TEAD4: variants seen among roughly 807,000 people sequenced by gnomAD.
The protein encoded by TEAD4 is TEA domain transcription factor 4.
TEAD4 carries 36 observed loss-of-function variants against 52.4 expected under a neutral mutation model. The observed-to-expected ratio is 0.69, with a 90% CI of 0.53 to 0.91. TEAD4 has a LOEUF of 0.91. Among genes scored for constraint, TEAD4 ranks in the 40% least tolerant of loss-of-function variants. TEAD4 has a pLI of 0.00. For missense variants in TEAD4, 508 were observed against 583.9 expected (o/e 0.87, Z 1.34); for synonymous variants, 220 against 231.0 (o/e 0.95, Z 0.43).
intron 2 of TEAD4, among the ~76,000 whole-genome samples, chr12:2,979,908 G>T (rs1053870607): frequency 2.6e-5 from 4 of 152,300 alleles, no homozygotes; most frequent in Admixed American, 6.5e-5. Flanking sequence ...AAGGGCACAA[G>T]GACTGAAGTA....
chr12:2,996,780 A>C (rs2098247577), intron 3 of TEAD4, among the ~76,000 whole-genome samples: 1 of 152,056 alleles, frequency 6.6e-6, no homozygotes, highest in South Asian at 2.1e-4. Context: ...CAGTGGAGCA[A>C]TCTCGGCTCA....
At chr12:3,034,409 G>C (rs2153958477) in intron 10 of TEAD4, among the ~76,000 whole-genome samples, 1 of 152,282 alleles carries the variant, frequency 6.6e-6, no homozygotes, top group Non-Finnish European at 1.5e-5. Flanking sequence ...GGCCCTGGGA[G>C]AGCTTAGTTC....
intron 2 of TEAD4, among the ~76,000 whole-genome samples, chr12:2,975,921 G>C (rs2098229280): frequency 6.6e-6 from 1 of 152,036 alleles, no homozygotes; most frequent in Non-Finnish European, 1.5e-5. Context: ...TCATATGGTT[G>C]GAATCATACA....
At chr12:3,020,518 A>G in intron 8 of TEAD4, 116 bp from the exon 9 acceptor site, 1 of 1,268,026 alleles carries the variant, frequency 7.9e-7, no homozygotes, top group South Asian at 2.1e-5. Context: ...TTAGGGAGAC[A>G]GGCGGTCCCC....
intron 3 of TEAD4, among the ~76,000 whole-genome samples, chr12:3,009,005 T>A (rs1170918877): frequency 6.6e-6 from 1 of 152,228 alleles, no homozygotes; most frequent in African/African-American, 2.4e-5. Flanking sequence ...GCCTAGAGCA[T>A]GTTCATTTTA....
At chr12:2,986,162 G>A (rs1591565971) in intron 2 of TEAD4, among the ~76,000 whole-genome samples, 3 of 152,128 alleles carry the variant, frequency 2.0e-5, no homozygotes, top group Admixed American at 6.6e-5. Context: ...CGTCAGGGTC[G>A]TCAGTATCAC....
chr12:2,985,856 CG>C (rs2098238011), intron 2 of TEAD4, among the ~76,000 whole-genome samples: 1 of 151,878 alleles, frequency 6.6e-6, no homozygotes, highest in Admixed American at 6.6e-5. Context: ...GAGGCCGAGG[CG>C]GGTGGATCAC....
intron 3 of TEAD4, among the ~76,000 whole-genome samples, chr12:3,007,036 A>G (rs187554238): frequency 9.3e-4 from 142 of 152,260 alleles, no homozygotes; most frequent in African/African-American, 3.4e-3. Flanking sequence ...AAACAAAACA[A>G]AAAAGAAGAC....
intron 2 of TEAD4, chr12:2,960,363 C>T (rs566068203): frequency 3.0e-6 from 3 of 985,610 alleles, no homozygotes; most frequent in East Asian, 1.1e-4. Context: ...GGTAAGCGGA[C>T]TGCCTGTTTT....
intron 10 of TEAD4, among the ~76,000 whole-genome samples, chr12:3,029,893 A>G (rs1440415174): frequency 6.6e-6 from 1 of 152,164 alleles, no homozygotes; most frequent in Admixed American, 6.5e-5. Context: ...AAATCAATAA[A>G]TATGTGTGTT....
intron 2 of TEAD4, among the ~76,000 whole-genome samples, chr12:2,989,321 C>T (rs533072301): frequency 2.2e-4 from 33 of 152,278 alleles, no homozygotes; most frequent in African/African-American, 5.3e-4. Context: ...AATCTTCACT[C>T]TTGAATGATT....
rs536669411 is a variant in TEAD4, at chr12:3,038,011, A to C, written c.941A>C (p.Tyr314Ser). ...ATCGAGGATGAAGGCAGCTCCTTCTATGGGGTCTCCAGCCAGTATGAGAGC... is the reference window on the plus strand; with the variant it reads ...ATCGAGGATGAAGGCAGCTCCTTCTCTGGGGTCTCCAGCCAGTATGAGAGC... The change falls in exon 11 of 13, where the codon TAT becomes TCT. Residue 314 changes from tyrosine to serine, a missense_variant. Coordinates refer to ENST00000359864, the MANE Select transcript of TEAD4 (RefSeq NM_003213.4). The C allele has an allele frequency of 1.2e-6, 2 of 1,614,100 alleles. No individual in the cohort carries two copies. Among genetic ancestry groups the C allele is most frequent in the African/African-American group, 1.3e-5 (1 of 75,046 alleles).
intron 5 of TEAD4, among the ~76,000 whole-genome samples, chr12:3,014,741 C>G (rs1324133570): frequency 2.6e-5 from 4 of 152,226 alleles, no homozygotes; most frequent in Non-Finnish European, 5.9e-5. Flanking sequence ...CCGGCTACTG[C>G]TGTCACTCCC....
In TEAD4 at chr12:2,994,837, C is replaced by T. The variant is rs2153955408; in HGVS notation, c.71C>T (p.Ala24Val). 6.2e-7 allele frequency: 1 copy of T among 1,614,032 alleles called. No homozygotes were observed. The stretch of plus-strand genomic sequence containing the variant: ...CCCACCTCCCCTGAGGGGAGCACCG[C>T]CTCTGGGGGCAGTCAGGCACTGGAC... Residue 24 changes from alanine to valine, a missense_variant, in exon 3 of 13, where the codon GCC (alanine) becomes GTC (valine). By Grantham distance (64) the Ala-to-Val change is moderately conservative. Coordinates refer to ENST00000359864, the MANE Select transcript of TEAD4 (RefSeq NM_003213.4). This position sits in a 1 kb window ranked among gnomAD's most constrained non-coding sequence, Gnocchi z 4.7.
At chr12:2,970,940 G>A (rs61916419) in intron 2 of TEAD4, among the ~76,000 whole-genome samples, 7,540 of 152,302 alleles carry the variant, frequency 0.05, 206 homozygotes, top group South Asian at 0.076. Context: ...AAGAGAAGAA[G>A]TAAGCTGTAC....
chr12:2,964,624 ATT>A (rs71057872), intron 2 of TEAD4, among the ~76,000 whole-genome samples: 305 of 125,386 alleles, frequency 2.4e-3, no homozygotes, highest in South Asian at 3.3e-3. Context: ...CACCTGGCTA[ATT>A]TTTTTTTTTT....
At position 3,004,854 on chromosome 12, in the gene TEAD4, T is replaced by C. The variant is rs534880879; in HGVS notation, c.227-6150T>C. ...CCTGGAGGCAGGGAGATGGCTGCGT[T>C]GACCTCTAGAGCACCCCTGGTGGCA... On this transcript the variant is annotated intron_variant, in intron 3 of 12. Transcript: ENST00000359864. 7.9e-5 allele frequency among the ~76,000 whole-genome samples: 12 copies of C among 152,248 alleles called. No homozygotes were observed. The South Asian group carries it at 2.5e-3, about 32-fold the overall frequency.
intron 7 of TEAD4, 69 bp downstream of exon 7, chr12:3,018,657 C>T: frequency 1.9e-6 from 3 of 1,602,630 alleles, no homozygotes. Context: ...AAACTCATGG[C>T]ATTAAGCCTG....
chr12:3,022,054 C>T lies in TEAD4; in HGVS notation c.897+37C>T, dbSNP rs2098269099. The T allele has an allele frequency of 5.6e-6, 9 of 1,608,012 alleles. No individual in the cohort carries two copies. Among genetic ancestry groups the T allele is most frequent in the Non-Finnish European group, 7.6e-6 (9 of 1,176,620 alleles). ...ATAACCCCTTCTTTCCTGCCACCAG[C>T]GTGTCCGTGGTAGTGAGAACGGGGC... is the stretch of plus-strand genomic sequence containing the variant. On this transcript the variant is annotated intron_variant, in intron 10 of 12. Transcript: ENST00000359864.
Sources: allele counts gnomAD v4.1 joint callset (sites outside exome capture counted in the v4.1 genomes callset), GRCh38; gene constraint gnomAD v4.1.1; non-coding constraint Gnocchi (gnomAD v3.1); transcripts MANE v1.5; gene names NCBI Gene and HGNC (gene_info 2026-07-23, HGNC 2026-07-21).